The following LRRC56 variants were observed in gnomAD, a reference collection of about 807,000 sequenced individuals.
The protein encoded by LRRC56 is leucine rich repeat containing 56, also known as leucine-rich repeat-containing protein 56.
In LRRC56, 41 loss-of-function variants were observed where a neutral mutation model predicts 47.8. That is an observed-to-expected ratio of 0.86 (90% CI 0.67 to 1.11). The LOEUF is 1.11. Ranked by LOEUF, LRRC56 falls within the 50% of genes most tolerant of loss-of-function variation. The pLI is 0.00. For missense variants in LRRC56, 759 were observed against 704.2 expected (o/e 1.08, Z -0.88); for synonymous variants, 387 against 311.2 (o/e 1.24, Z -2.56).
the LRRC56 span, among the ~76,000 whole-genome samples, chr11:510,661 C>A: frequency 6.6e-6 from 1 of 152,210 alleles, no homozygotes; most frequent in South Asian, 2.1e-4. Context: ...TCGCTTGAAC[C>A]CAGGAGGCAG....
upstream of LRRC56, chr11:534,398 G>GCCAGGCCCAGGC (rs866868599): frequency 1.6e-6 from 2 of 1,230,258 alleles, no homozygotes; most frequent in Non-Finnish European, 2.3e-6. Flanking sequence ...GCCCTGCTCA[G>GCCAGGCCCAGGC]CCAGGCCCAG....
chr11:511,045 G>A, the LRRC56 span, among the ~76,000 whole-genome samples: 3 of 152,160 alleles, frequency 2.0e-5, no homozygotes, highest in Admixed American at 6.5e-5. Flanking sequence ...ACACTGGCCC[G>A]GCACGGTGGC....
the LRRC56 span, among the ~76,000 whole-genome samples, chr11:525,793 G>A: frequency 3.3e-5 from 5 of 152,058 alleles, no homozygotes; most frequent in East Asian, 1.9e-4. Flanking sequence ...CTAGCTACTC[G>A]GGAGACTGAA....
chr11:549,760 GCCAA>G lies in LRRC56; in HGVS notation c.327-141_327-138del. 8 of 662,874 alleles carry G rather than the reference GCCAA, an allele frequency of 1.2e-5. No individual in the cohort carries two copies. In the Admixed American group the frequency reaches 1.3e-4, roughly 11 times the overall value. 41.1% of individuals were successfully genotyped at this position (662,874 alleles called of 1,614,324 possible). A position where few individuals can be genotyped will look rare whatever the true frequency, so the allele number is the denominator to read the frequency against. On this transcript the variant is annotated intron_variant, in intron 6 of 13. Transcript: ENST00000270115. ...ACTGTACCCACACCAGAGCCAGAAG[GCCAA>G]GGCAGAGAGCCCCTTCCTCAGTCTA...
chr11:552,359 TG>T, intron 12 of LRRC56, 127 bp downstream of exon 12: 1 of 1,377,634 alleles, frequency 7.3e-7, no homozygotes. Flanking sequence ...TCCTGTCCCG[TG>T]GGGGGATCAG....
At chr11:534,809 C>G (rs1342775467), upstream of LRRC56, among the ~76,000 whole-genome samples, 1 of 152,188 alleles carries the variant, frequency 6.6e-6, no homozygotes, top group East Asian at 1.9e-4. Context: ...GTGCCTCCGA[C>G]AAGTATTTGC....
chr11:509,167 T>C, the LRRC56 span, among the ~76,000 whole-genome samples: 1 of 152,088 alleles, frequency 6.6e-6, no homozygotes, highest in Non-Finnish European at 1.5e-5. Context: ...CCTGCACACG[T>C]GAGCTTGGTG....
At chr11:548,475 G>GTTT (rs1852200896) in intron 6 of LRRC56, among the ~76,000 whole-genome samples, 1 of 151,948 alleles carries the variant, frequency 6.6e-6, no homozygotes, top group South Asian at 2.1e-4. Context: ...TTGTTTGTTT[G>GTTT]GAGACGGAGG....
rs1205232355 is a variant in LRRC56, at chr11:552,098, G to C, written c.1047G>C (p.Glu349Asp). 6.2e-7 allele frequency: 1 copy of C among 1,610,270 alleles called. No homozygotes were observed. The highest frequency in any genetic ancestry group is 1.3e-5 in the African/African-American group (1 of 74,886). ...TCCCTTTTCCTCCCCAGGCCAGGGA[G>C]CCCCCCGAGCAGCTGCCCCAACACA... ...RERRHQCQAR[E>D]PPEQLPQHRP... Residue 349 changes from glutamate (E) to aspartate (D), a missense_variant, in exon 12 of 14, where the codon GAG becomes GAC. Coordinates refer to ENST00000270115, the MANE Select transcript of LRRC56 (RefSeq NM_198075.4).
At position 550,265 on chromosome 11, in the gene LRRC56, C is replaced by A. The variant is rs780406879; in HGVS notation, c.617C>A (p.Thr206Asn). The change falls in exon 8 of 14, where the codon ACC becomes AAC. Residue 206 changes from threonine to asparagine, a missense_variant. Transcript: ENST00000270115. Reference protein sequence around the residue: ...LVCLQPAPGPTNKVPRGYNYR... With the variant: ...LVCLQPAPGPNNKVPRGYNYR... ...TGCCTACAGCCGGCCCCTGGCCCCA[C>A]CAACAAGGTGCGTGTCCCGGGCACC... 2.5e-6 allele frequency: 4 copies of A among 1,590,190 alleles called. No homozygotes were observed. Among genetic ancestry groups the A allele is most frequent in the South Asian group, 2.2e-5 (2 of 88,948 alleles).
At chr11:540,577 C>CG (rs1247892644) in intron 3 of LRRC56, 97 bp from the exon 4 acceptor site, 2 of 929,568 alleles carry the variant, frequency 2.2e-6, no homozygotes, top group African/African-American at 3.4e-5. Context: ...CTTGCTGTGA[C>CG]GGGGGCGGGG....
rs769532657 is a variant in LRRC56 at position 550,126 on chromosome 11, G to C, written c.478G>C (p.Glu160Gln). ...ISDLSPLCLL[E>Q]QLEVLDLEGN... ...GGACCTGAGCCCACTGTGCCTGCTGGAACAATTGGAGGTGCTGGACCTGGA... is the reference window on the plus strand; with the variant it reads ...GGACCTGAGCCCACTGTGCCTGCTGCAACAATTGGAGGTGCTGGACCTGGA... Residue 160 changes from glutamate (E) to glutamine (Q), a missense_variant, in exon 8 of 14, where the codon GAA (glutamate) becomes CAA (glutamine). Physicochemically the swap from Glu to Gln is conservative, Grantham distance 29. Coordinates refer to ENST00000270115, the MANE Select transcript of LRRC56 (RefSeq NM_198075.4). 2 of 1,613,546 alleles carry C rather than the reference G, an allele frequency of 1.2e-6. No homozygotes were observed. The highest frequency in any genetic ancestry group is 4.5e-5 in the East Asian group (2 of 44,878).
At position 551,204 on chromosome 11, in the gene LRRC56, C is replaced by T. The variant is rs118033321; in HGVS notation, c.698C>T (p.Pro233Leu). ...IPQLQVLDEV[P>L]AAHTGPPAPP... ...CAGCTGCAGGTCCTGGACGAAGTGC[C>T]GGCCGCACACACAGGCCCACCGGCC... The change falls in exon 9 of 14, where the codon CCG becomes CTG. Residue 233 changes from proline to leucine, a missense_variant. Pro to Leu is a moderately conservative substitution (Grantham distance 98). Coordinates refer to ENST00000270115, the MANE Select transcript of LRRC56 (RefSeq NM_198075.4). The T allele has an allele frequency of 0.038, 59,351 of 1,546,580 alleles. 1,292 individuals carry two copies. Among genetic ancestry groups the T allele is most frequent in the Middle Eastern group, 0.089 (531 of 5,966 alleles).
chr11:513,836 AAG>A, the LRRC56 span, among the ~76,000 whole-genome samples: 41 of 151,068 alleles, frequency 2.7e-4, no homozygotes, highest in East Asian at 2.3e-3. Flanking sequence ...AAAAAAAAAA[AAG>A]GAAGAAATTG....
In LRRC56 at chr11:545,874, G is replaced by A. The variant is rs7131540; in HGVS notation, c.326+1094G>A. ...CAGCTGTGTGAATTGGGCTCCAAGG[G>A]CCACATCTAGTTATTTCCAGATGAG... On this transcript the variant is annotated intron_variant, in intron 6 of 13. Transcript: ENST00000270115. 2.0e-3 allele frequency among the ~76,000 whole-genome samples: 301 copies of A among 152,318 alleles called. 1 individual carries two copies. The highest frequency in any genetic ancestry group is 7.0e-3 in the African/African-American group (289 of 41,572).
upstream of LRRC56, chr11:534,269 C>T (rs148380285): frequency 3.8e-5 from 62 of 1,613,616 alleles, no homozygotes; most frequent in Middle Eastern, 1.6e-4. Flanking sequence ...GGATGGTCAG[C>T]GCACTCTTGC....
intron 5 of LRRC56, among the ~76,000 whole-genome samples, chr11:543,528 T>C (rs1851909814): frequency 1.3e-5 from 2 of 152,134 alleles, no homozygotes; most frequent in South Asian, 2.1e-4. Context: ...CAGTGACCTT[T>C]AGAGCAGGGA....
At chr11:546,279 A>C (rs1379091428) in intron 6 of LRRC56, among the ~76,000 whole-genome samples, 2 of 151,628 alleles carry the variant, frequency 1.3e-5, no homozygotes, top group African/African-American at 4.9e-5. Flanking sequence ...CCTCAAAAAA[A>C]TAAAGTAGGC....
Position 550,013 on chromosome 11 carries a change from C to T in LRRC56, c.423+15C>T, listed in dbSNP as rs375768529. On this transcript the variant is annotated intron_variant, in intron 7 of 13. Transcript: ENST00000270115. ...CAGCACTTAAGGTGAGTCTGGGCAC[C>T]CTGGGCTGGGGAGGCCTGGGCTGGG... 368 of 1,612,202 alleles carry T rather than the reference C, an allele frequency of 2.3e-4. No individual in the cohort carries two copies. The highest frequency in any genetic ancestry group is 2.9e-4 in the Non-Finnish European group (338 of 1,179,366).
Sources: allele counts gnomAD v4.1 joint callset (sites outside exome capture counted in the v4.1 genomes callset), GRCh38; gene constraint gnomAD v4.1.1; transcripts MANE v1.5; gene names NCBI Gene and HGNC (gene_info 2026-07-23, HGNC 2026-07-21).